RIC8B: variants seen among roughly 807,000 people sequenced by gnomAD.
RIC8B encodes RIC8 guanine nucleotide exchange factor B.
RIC8B carries 16 observed loss-of-function variants against 57.5 expected under a neutral mutation model. The observed-to-expected ratio is 0.28, with a 90% CI of 0.19 to 0.42. The LOEUF (loss-of-function observed/expected upper bound fraction) is 0.42, where lower values mean the gene tolerates loss of function less well. RIC8B is among the 10% of genes least tolerant of loss of function. The pLI is 1.00. For missense variants in RIC8B, 481 were observed against 677.0 expected (o/e 0.71, Z 3.21); for synonymous variants, 216 against 250.8 (o/e 0.86, Z 1.31).
At chr12:106,815,420 C>T in intron 3 of RIC8B, 116 bp downstream of exon 3, 2 of 1,062,210 alleles carry the variant, frequency 1.9e-6, no homozygotes, top group Non-Finnish European at 2.7e-6. Flanking sequence ...CCCACTTCTC[C>T]CATTAAGCAA....
chr12:106,879,494 C>T lies in RIC8B; in HGVS notation c.1572-6410C>T, dbSNP rs1304867793. ...GGCATCCTAGAGTATACCATACTTA[C>T]AGGCAAACGGTGGCTCAGGAAAATG... On this transcript the variant is annotated intron_variant, in intron 9 of 9. Coordinates refer to ENST00000392837, the MANE Select transcript of RIC8B (RefSeq NM_001330145.2). This position sits in a 1 kb window ranked among gnomAD's most constrained non-coding sequence, Gnocchi z 4.9. The T allele has an allele frequency of 3.0e-6, 3 of 984,926 alleles. No individual in the cohort carries two copies. The highest frequency in any genetic ancestry group is 3.6e-6 in the Non-Finnish European group (3 of 829,864). The allele number at this position is 984,926 out of a possible 1,614,324, so 61.0% of individuals were successfully genotyped here.
chr12:106,800,194 T>G (rs1455695196), intron 2 of RIC8B, among the ~76,000 whole-genome samples: 2 of 152,160 alleles, frequency 1.3e-5, no homozygotes, highest in East Asian at 1.9e-4. Flanking sequence ...AAGAAATACC[T>G]GAGACTGGGT....
intron 4 of RIC8B, among the ~76,000 whole-genome samples, chr12:106,827,592 C>T (rs1171029881): frequency 6.6e-6 from 1 of 152,148 alleles, no homozygotes; most frequent in Non-Finnish European, 1.5e-5. Flanking sequence ...CCCTGCCCTG[C>T]AGCCTGTCAA....
intron 2 of RIC8B, among the ~76,000 whole-genome samples, chr12:106,790,384 C>G (rs1350965012): frequency 6.6e-6 from 1 of 152,162 alleles, no homozygotes; most frequent in East Asian, 1.9e-4. Context: ...TTACATTTTT[C>G]TAGAGAAGTA....
At chr12:106,843,638 C>T (rs992703226) in intron 5 of RIC8B, among the ~76,000 whole-genome samples, 10 of 146,486 alleles carry the variant, frequency 6.8e-5, no homozygotes, top group Non-Finnish European at 1.5e-4. Flanking sequence ...AGGAGAATGG[C>T]GTGAACCCGG....
chr12:106,869,513 T>C (rs1025916725), intron 8 of RIC8B, among the ~76,000 whole-genome samples: 1 of 152,090 alleles, frequency 6.6e-6, no homozygotes, highest in African/African-American at 2.4e-5. Flanking sequence ...ACACTCCACA[T>C]TGTGTATATT....
At chr12:106,832,928 C>T (rs1295960990) in intron 4 of RIC8B, among the ~76,000 whole-genome samples, 1 of 152,192 alleles carries the variant, frequency 6.6e-6, no homozygotes, top group Non-Finnish European at 1.5e-5. Flanking sequence ...TTGAACTCCT[C>T]CTCTAGTTCT....
At chr12:106,836,243 T>C (rs2046594555) in intron 4 of RIC8B, among the ~76,000 whole-genome samples, 1 of 152,206 alleles carries the variant, frequency 6.6e-6, no homozygotes, top group South Asian at 2.1e-4. Context: ...TGCTCCAGTC[T>C]CAGCTTTCAT....
At chr12:106,796,851 A>G (rs751200665) in intron 2 of RIC8B, among the ~76,000 whole-genome samples, 7 of 152,242 alleles carry the variant, frequency 4.6e-5, no homozygotes, top group African/African-American at 7.2e-5. Context: ...AGGCAACTCA[A>G]TCTTAAAATG....
At chr12:106,883,375 A>G (rs1037357555) in intron 9 of RIC8B, among the ~76,000 whole-genome samples, 3 of 152,188 alleles carry the variant, frequency 2.0e-5, no homozygotes, top group African/African-American at 7.2e-5. Flanking sequence ...AATTTACGTC[A>G]GTGCTAGAGA....
At position 106,813,033 on chromosome 12, in the gene RIC8B, A is replaced by G. The variant is rs141622090; in HGVS notation, c.133-1663A>G. ...GAAAATACTCAAGGAAAAAAAGGAT[A>G]GTTGTGTAGAACATGTACAAACTTT... On this transcript the variant is annotated intron_variant, in intron 2 of 9. Coordinates refer to ENST00000392837, the MANE Select transcript of RIC8B (RefSeq NM_001330145.2). Among the ~76,000 whole-genome samples, 1,300 of 152,294 alleles carry G rather than the reference A, an allele frequency of 8.5e-3. 18 individuals carry two copies. Among genetic ancestry groups the G allele is most frequent in the African/African-American group, 0.029 (1,217 of 41,556 alleles).
At chr12:106,799,074 A>G (rs2044613450) in intron 2 of RIC8B, among the ~76,000 whole-genome samples, 1 of 152,212 alleles carries the variant, frequency 6.6e-6, no homozygotes, top group Non-Finnish European at 1.5e-5. Context: ...ACGTTCCTGT[A>G]TCAGGGTGGT....
chr12:106,827,820 C>G (rs1396321079), intron 4 of RIC8B, among the ~76,000 whole-genome samples: 2 of 152,044 alleles, frequency 1.3e-5, no homozygotes, highest in East Asian at 3.9e-4. Context: ...AGAAAATGCT[C>G]TTATAAGCCC....
At chr12:106,846,132 C>T (rs554628602) in intron 6 of RIC8B, among the ~76,000 whole-genome samples, 50 of 152,268 alleles carry the variant, frequency 3.3e-4, no homozygotes, top group African/African-American at 1.1e-3. Context: ...TTTATATCTC[C>T]AGCCCTGACC....
Position 106,885,978 on chromosome 12 carries a change from ACT to A in RIC8B, c.1649_1650del (p.Ser550CysfsTer8). On this transcript the variant is annotated frameshift_variant, in exon 10 of 10. Coordinates refer to ENST00000392837, the MANE Select transcript of RIC8B (RefSeq NM_001330145.2). LOFTEE classifies it high-confidence loss of function. Reference sequence around the variant, plus strand: ...CCTTTGGAGGAAGCACTCAACCAGTACTCTGTCATCGAAGAGACCAGCTCTGA... The same window carrying A: ...CCTTTGGAGGAAGCACTCAACCAGTACTGTCATCGAAGAGACCAGCTCTGA... 1 of 1,613,564 alleles carries A rather than the reference ACT, an allele frequency of 6.2e-7. No individual in the cohort carries two copies. The highest frequency in any genetic ancestry group is 8.5e-7 in the Non-Finnish European group (1 of 1,179,768).
intron 3 of RIC8B, among the ~76,000 whole-genome samples, chr12:106,817,008 G>A (rs934850920): frequency 6.6e-6 from 1 of 152,092 alleles, no homozygotes; most frequent in Non-Finnish European, 1.5e-5. Flanking sequence ...GTGACTCTGG[G>A]CTATTATTGA....
At chr12:106,803,214 T>TAAAAAAAAAAAAAAA (rs758690591) in intron 2 of RIC8B, among the ~76,000 whole-genome samples, 3 of 84,272 alleles carry the variant, frequency 3.6e-5, no homozygotes, top group African/African-American at 1.5e-4. Context: ...ATACCCTGTC[T>TAAAAAAAAAAAAAAA]CAAAAAAAAA....
intron 2 of RIC8B, among the ~76,000 whole-genome samples, chr12:106,796,345 CT>C (rs2044482170): frequency 1.3e-5 from 2 of 152,022 alleles, no homozygotes; most frequent in Admixed American, 1.3e-4. Flanking sequence ...CGAGACCAGC[CT>C]GGGCAATATA....
At chr12:106,840,625 T>G (rs1430411335) in intron 4 of RIC8B, among the ~76,000 whole-genome samples, 1 of 152,250 alleles carries the variant, frequency 6.6e-6, no homozygotes, top group African/African-American at 2.4e-5. Flanking sequence ...AATTTTGTAG[T>G]TGTTTGGAAA....
Sources: allele counts gnomAD v4.1 joint callset (sites outside exome capture counted in the v4.1 genomes callset), GRCh38; gene constraint gnomAD v4.1.1; non-coding constraint Gnocchi (gnomAD v3.1); transcripts MANE v1.5; gene names NCBI Gene and HGNC (gene_info 2026-07-23, HGNC 2026-07-21).